The following NOS1AP variants were observed in gnomAD, a reference collection of about 807,000 sequenced individuals.
NOS1AP encodes the protein carboxyl-terminal PDZ ligand of neuronal nitric oxide synthase protein.
NOS1AP carries 21 observed loss-of-function variants against 56.2 expected under a neutral mutation model. The observed-to-expected ratio is 0.37, with a 90% CI of 0.26 to 0.54. The LOEUF (loss-of-function observed/expected upper bound fraction) is 0.54, where lower values mean the gene tolerates loss of function less well. Among genes scored for constraint, NOS1AP ranks in the 20% least tolerant of loss-of-function variants. The pLI, the probability that NOS1AP is intolerant of heterozygous loss-of-function variation, is 0.84. For synonymous variants in NOS1AP, 270 were observed against 274.6 expected (o/e 0.98, Z 0.17); for missense variants, 522 against 657.8 (o/e 0.79, Z 2.26).
At chr1:162,300,902 A>T (rs1655629677) in intron 4 of NOS1AP, among the ~76,000 whole-genome samples, 196 bp downstream of exon 4, 1 of 152,198 alleles carries the variant, frequency 6.6e-6, no homozygotes, top group Non-Finnish European at 1.5e-5. Flanking sequence ...GCTTGATTGC[A>T]TTAAGGAAGC....
At chr1:162,164,959 T>A (rs1235100360) in intron 2 of NOS1AP, among the ~76,000 whole-genome samples, 1 of 152,206 alleles carries the variant, frequency 6.6e-6, no homozygotes, top group African/African-American at 2.4e-5. Flanking sequence ...TGTCACCTAA[T>A]GTTAGTCTTC....
At chr1:162,133,773 G>A (rs763716689) in intron 1 of NOS1AP, among the ~76,000 whole-genome samples, 1 of 152,166 alleles carries the variant, frequency 6.6e-6, no homozygotes, top group African/African-American at 2.4e-5. Flanking sequence ...CTAACTAAAT[G>A]TTTTCTCCAG....
intron 2 of NOS1AP, among the ~76,000 whole-genome samples, chr1:162,158,520 C>T (rs937331624): frequency 2.0e-5 from 3 of 152,120 alleles, no homozygotes; most frequent in African/African-American, 7.2e-5. Flanking sequence ...GAAATGTGAT[C>T]GCTGGGTATG....
intron 2 of NOS1AP, among the ~76,000 whole-genome samples, chr1:162,270,923 G>A (rs1432921384): frequency 6.6e-6 from 1 of 152,158 alleles, no homozygotes; most frequent in African/African-American, 2.4e-5. Context: ...ACTGAACCCA[G>A]GGCTCTGAAG....
At chr1:162,157,058 C>A (rs1024451559) in intron 2 of NOS1AP, 1 of 154,578 alleles carries the variant, frequency 6.5e-6, no homozygotes, top group African/African-American at 2.4e-5. Flanking sequence ...AACAGAGGTA[C>A]AGGAAAACAT....
At chr1:162,193,791 T>A (rs1651717439) in intron 2 of NOS1AP, among the ~76,000 whole-genome samples, 1 of 152,214 alleles carries the variant, frequency 6.6e-6, no homozygotes, top group South Asian at 2.1e-4. Context: ...TTCTAAAGCC[T>A]GAGATCACTC....
chr1:162,113,357 G>C (rs1429833464), intron 1 of NOS1AP, among the ~76,000 whole-genome samples: 1 of 152,180 alleles, frequency 6.6e-6, no homozygotes, highest in Non-Finnish European at 1.5e-5. Context: ...GCCCAGTGGG[G>C]TCCTGGCAGC....
chr1:162,179,796 G>T (rs746315352), intron 2 of NOS1AP, among the ~76,000 whole-genome samples: 3 of 152,168 alleles, frequency 2.0e-5, no homozygotes, highest in Non-Finnish European at 4.4e-5. Context: ...GCGCTGACTT[G>T]CCTGCTAAAA....
chr1:162,225,448 G>A (rs1652910998), intron 2 of NOS1AP, among the ~76,000 whole-genome samples: 2 of 152,196 alleles, frequency 1.3e-5, no homozygotes, highest in Non-Finnish European at 2.9e-5. Flanking sequence ...CCTGTAAGAT[G>A]GGTACAATAG....
At chr1:162,328,356 C>T (rs547849873) in intron 4 of NOS1AP, among the ~76,000 whole-genome samples, 15 of 152,182 alleles carry the variant, frequency 9.9e-5, no homozygotes, top group South Asian at 6.2e-4. Context: ...ACATGTACCC[C>T]GGAACTTAAA....
At chr1:162,314,173 G>A (rs1404496358) in intron 4 of NOS1AP, among the ~76,000 whole-genome samples, 1 of 152,180 alleles carries the variant, frequency 6.6e-6, no homozygotes, top group African/African-American at 2.4e-5. Flanking sequence ...ATCTAAAACT[G>A]GGAAGGGTTA....
At position 162,367,017 on chromosome 1, in the gene NOS1AP, C is replaced by G. The variant is rs759381151; in HGVS notation, c.1106-35C>G. The G allele has an allele frequency of 1.9e-6, 3 of 1,612,908 alleles. No individual in the cohort carries two copies. The highest frequency in any genetic ancestry group is 2.7e-5 in the African/African-American group (2 of 74,922). On this transcript the variant is annotated intron_variant, in intron 9 of 9. Transcript: ENST00000361897. The surrounding 1 kb of genome is among the most constrained non-coding windows in gnomAD (Gnocchi z 6.5). ...ATCCCAAATCAACAACCTTGCCTAA[C>G]GCTGCCCCTCTGCTACCTCTTGTCT...
intron 1 of NOS1AP, among the ~76,000 whole-genome samples, chr1:162,136,000 C>T (rs1648982214): frequency 6.6e-6 from 1 of 152,028 alleles, no homozygotes; most frequent in Non-Finnish European, 1.5e-5. Flanking sequence ...ATTTAGAATC[C>T]TGAGATTCTG....
In NOS1AP at chr1:162,276,524, T is replaced by TAA. The variant is rs200334461; in HGVS notation, c.178-10805_178-10804dup. Among the ~76,000 whole-genome samples, 1,043 of 129,248 alleles carry TAA rather than the reference T, an allele frequency of 8.1e-3. 52 individuals are homozygous for TAA. In the East Asian group the frequency reaches 0.14, roughly 17 times the overall value. 84.8% of individuals were successfully genotyped at this position (129,248 alleles called of 152,430 possible). ...GCTCATGAGAATCACCTGGGTAGCTTAAAAAAAAAAAAAAAAGCCCAATGT... is the reference window on the plus strand; with the variant it reads ...GCTCATGAGAATCACCTGGGTAGCTTAAAAAAAAAAAAAAAAAAGCCCAATGT... On this transcript the variant is annotated intron_variant, in intron 2 of 9. Coordinates refer to ENST00000361897, the MANE Select transcript of NOS1AP (RefSeq NM_014697.3).
chr1:162,214,579 T>G (rs1652492383), intron 2 of NOS1AP, among the ~76,000 whole-genome samples: 1 of 152,234 alleles, frequency 6.6e-6, no homozygotes, highest in African/African-American at 2.4e-5. Flanking sequence ...TCTTAACCTT[T>G]CCATCATTCA....
At chr1:162,167,214 C>A (rs1650543317) in intron 2 of NOS1AP, among the ~76,000 whole-genome samples, 1 of 152,186 alleles carries the variant, frequency 6.6e-6, no homozygotes, top group South Asian at 2.1e-4. Context: ...GTTGGAATCA[C>A]CCTTGTTCAT....
chr1:162,185,344 ACTGT>A (rs1182665939), intron 2 of NOS1AP, among the ~76,000 whole-genome samples: 1 of 152,182 alleles, frequency 6.6e-6, no homozygotes, highest in African/African-American at 2.4e-5. Context: ...TGTAATACTG[ACTGT>A]CTGTATTTGG....
intron 2 of NOS1AP, among the ~76,000 whole-genome samples, chr1:162,281,977 G>A (rs576319190): frequency 9.2e-5 from 14 of 152,324 alleles, no homozygotes; most frequent in Admixed American, 7.8e-4. Flanking sequence ...GCAGGTGCCT[G>A]TAATCCCAGC....
chr1:162,070,012 G>A lies in NOS1AP; in HGVS notation c.-166G>A, dbSNP rs1691625777. 4.7e-6 allele frequency: 2 copies of A among 425,116 alleles called. 1 individual carries two copies. Among genetic ancestry groups the A allele is most frequent in the Non-Finnish European group, 8.3e-6 (2 of 239,628 alleles). 26.3% of individuals were successfully genotyped at this position (425,116 alleles called of 1,614,324 possible). A position where few individuals can be genotyped will look rare whatever the true frequency, so the allele number is the denominator to read the frequency against. On this transcript the variant is annotated 5_prime_UTR_variant, in exon 1 of 10. Transcript: ENST00000361897. ...TCAGCCCGCTGCCGCTCGGCCCTCG[G>A]CACCGCTCCGGGTCCGGCCGCCGCG...
Sources: gnomAD v4.1 joint callset for allele counts (sites outside exome capture counted in the v4.1 genomes callset) on GRCh38, gnomAD v4.1.1 for gene constraint, Gnocchi (gnomAD v3.1) non-coding constraint, MANE v1.5 for transcripts, NCBI Gene and HGNC (gene_info 2026-07-23, HGNC 2026-07-21) for gene names.